The following BET1 variants were observed in gnomAD, a reference collection of about 807,000 sequenced individuals.
BET1 encodes BET1 homolog.
A neutral mutation model predicts 13.9 loss-of-function variants in BET1; 9 were observed. The observed-to-expected ratio is 0.65, with a 90% CI of 0.39 to 1.13. The LOEUF is 1.13. BET1 is among the 50% of genes most tolerant of loss of function. The pLI is 0.01. For synonymous variants in BET1, 39 were observed against 47.3 expected, an observed-to-expected ratio of 0.82 and a Z score of 0.72; for missense variants, 127 against 133.6, an observed-to-expected ratio of 0.95 and a Z score of 0.24.
chr7:93,963,436 TC>T (rs1332512175), exon 7 of BET1: 4 of 152,188 alleles, frequency 2.6e-5, no homozygotes, highest in East Asian at 3.9e-4. Flanking sequence ...TCATTTTTTT[TC>T]ATAGCACTTA....
intron 3 of BET1, 140 bp downstream of exon 3, chr7:93,996,125 G>C: frequency 1.5e-6 from 1 of 655,678 alleles, no homozygotes. Context: ...AAACCTTATA[G>C]TTATTCCAAA....
rs1239617895 is a variant in BET1, at chr7:93,970,424, C to T, written c.*137+2151G>A. ...ATTTTTCTCCATCTCCATTAGCTCT[C>T]GAGAAGAAAACACTTATTTGACCTT... On this transcript the variant is annotated intron_variant and NMD_transcript_variant, in intron 6 of 6. Transcript: ENST00000357520. Among the ~76,000 whole-genome samples, 5 of 151,638 alleles carry T rather than the reference C, an allele frequency of 3.3e-5. No homozygotes were observed. In the East Asian group the frequency reaches 9.7e-4, roughly 29 times the overall value.
chr7:93,997,292 C>G (rs1795793278), intron 2 of BET1, among the ~76,000 whole-genome samples: 1 of 152,156 alleles, frequency 6.6e-6, no homozygotes, highest in South Asian at 2.1e-4. Flanking sequence ...TAGATCAGAA[C>G]ATGAGCTTTC....
intron 4 of BET1, among the ~76,000 whole-genome samples, chr7:93,983,203 A>G (rs1795458425): frequency 6.6e-6 from 1 of 152,228 alleles, no homozygotes; most frequent in African/African-American, 2.4e-5. Context: ...TATCACTGAT[A>G]GAAAAAGGTA....
At position 94,003,552 on chromosome 7, in the gene BET1, T is replaced by A. The variant is rs140468140; in HGVS notation, c.19+646A>T. ...ACTATAAGGGTCCATTAAAATTCCT[T>A]GTGTCTAACTTATTCTTGCTGATGA... is the stretch of plus-strand genomic sequence containing the variant. On this transcript the variant is annotated intron_variant, in intron 1 of 3. Transcript: ENST00000222547. Among the ~76,000 whole-genome samples the A allele has an allele frequency of 9.9e-4, 151 of 152,294 alleles. 1 individual carries two copies. The highest frequency in any genetic ancestry group is 3.4e-3 in the African/African-American group (142 of 41,566).
intron 1 of BET1, among the ~76,000 whole-genome samples, chr7:94,002,874 C>G (rs182185187): frequency 6.6e-6 from 1 of 152,216 alleles, no homozygotes; most frequent in African/African-American, 2.4e-5. Context: ...TATGTCTCCA[C>G]CAAATACACA....
chr7:94,002,591 C>T (rs1397402836), intron 1 of BET1, among the ~76,000 whole-genome samples: 1 of 151,968 alleles, frequency 6.6e-6, no homozygotes, highest in African/African-American at 2.4e-5. Context: ...CCAAGGGATT[C>T]TAATGTACAG....
At chr7:93,989,779 T>C (rs1481146336), downstream of BET1, among the ~76,000 whole-genome samples, 1 of 152,346 alleles carries the variant, frequency 6.6e-6, no homozygotes, top group East Asian at 1.9e-4. Context: ...CCCATTGATC[T>C]GGTTTAAAAT....
chr7:93,968,050 C>T (rs1795202826), intron 6 of BET1, among the ~76,000 whole-genome samples: 2 of 151,682 alleles, frequency 1.3e-5, no homozygotes, highest in Admixed American at 1.3e-4. Flanking sequence ...ATTCAATTCA[C>T]AAACATTTCA....
At chr7:93,985,074 A>G (rs1795500699) in intron 4 of BET1, among the ~76,000 whole-genome samples, 1 of 152,166 alleles carries the variant, frequency 6.6e-6, no homozygotes, top group Admixed American at 6.6e-5. Flanking sequence ...CAGTCTTACT[A>G]TCCCATTCTC....
downstream of BET1, chr7:93,992,217 T>C (rs1249216061): frequency 6.1e-6 from 6 of 985,260 alleles, no homozygotes; most frequent in Non-Finnish European, 7.2e-6. Flanking sequence ...TAAGAAATGT[T>C]GAACCATGCA....
exon 7 of BET1, chr7:93,965,619 A>G (rs1441717431): frequency 5.3e-5 from 8 of 152,086 alleles, no homozygotes; most frequent in Non-Finnish European, 1.0e-4. Flanking sequence ...ATTCTTGAAT[A>G]GAGTTTGTGT....
At chr7:93,972,839 G>A (rs562550666) in intron 5 of BET1, among the ~76,000 whole-genome samples, 14 of 150,476 alleles carry the variant, frequency 9.3e-5, no homozygotes, top group African/African-American at 2.7e-4. Context: ...AGCATCACTC[G>A]TATCTTTTTT....
chr7:93,972,512 G>T (rs1795272894), intron 6 of BET1: 1 of 151,706 alleles, frequency 6.6e-6, no homozygotes, highest in Non-Finnish European at 1.5e-5. Flanking sequence ...TTGATGGAAG[G>T]TTGATTCAAA....
At chr7:93,974,770 T>C (rs1303364150) in intron 5 of BET1, among the ~76,000 whole-genome samples, 1 of 151,762 alleles carries the variant, frequency 6.6e-6, no homozygotes, top group African/African-American at 2.4e-5. Flanking sequence ...TGGGTAAAAG[T>C]TTGAGGAGAA....
At chr7:93,989,283 G>C (rs950103335), downstream of BET1, among the ~76,000 whole-genome samples, 37 of 151,764 alleles carry the variant, frequency 2.4e-4, no homozygotes, top group Admixed American at 2.6e-4. Context: ...CAAAGTGCTG[G>C]GATTACAGGC....
intron 4 of BET1, among the ~76,000 whole-genome samples, chr7:93,982,450 A>G (rs1795444059): frequency 6.6e-6 from 1 of 152,092 alleles, no homozygotes; most frequent in Admixed American, 6.6e-5. Flanking sequence ...TTATGAACTT[A>G]TTTGCTCATT....
chr7:93,984,298 C>T (rs1455937168), intron 4 of BET1, among the ~76,000 whole-genome samples: 2 of 152,114 alleles, frequency 1.3e-5, no homozygotes, highest in African/African-American at 2.4e-5. Flanking sequence ...GTGGCTTGAT[C>T]TTACCTAGAT....
chr7:93,979,088 GA>G (rs1275792844), intron 4 of BET1, among the ~76,000 whole-genome samples: 1 of 152,174 alleles, frequency 6.6e-6, no homozygotes, highest in Non-Finnish European at 1.5e-5. Context: ...TGAATCTTTG[GA>G]AGTCCAGTTG....
Sources: gnomAD v4.1 joint callset for allele counts (sites outside exome capture counted in the v4.1 genomes callset) on GRCh38, gnomAD v4.1.1 for gene constraint, MANE v1.5 for transcripts, NCBI Gene and HGNC (gene_info 2026-07-23, HGNC 2026-07-21) for gene names.